Variants in LYRM4 observed in about 807,000 individuals in gnomAD.
LYRM4 encodes the protein LYR motif containing 4.
In LYRM4, 9 loss-of-function variants were observed where a neutral mutation model predicts 11.7. That is an observed-to-expected ratio of 0.77 (90% CI 0.46 to 1.34). The LOEUF is 1.34. Ranked by LOEUF, LYRM4 falls within the 40% of genes most tolerant of loss-of-function variation. LYRM4 has a pLI of 0.00. For missense variants in LYRM4, 133 were observed against 112.5 expected, an observed-to-expected ratio of 1.18 and a Z score of -0.82; for synonymous variants, 42 against 40.4, an observed-to-expected ratio of 1.04 and a Z score of -0.15.
At chr6:5,157,238 G>A (rs74631709) in intron 2 of LYRM4, among the ~76,000 whole-genome samples, 292 of 152,302 alleles carry the variant, frequency 1.9e-3, no homozygotes, top group Middle Eastern at 6.8e-3. Flanking sequence ...CTAGTGTGGC[G>A]AAAGTTACCA....
chr6:5,133,491 C>T (rs965056941), intron 2 of LYRM4, among the ~76,000 whole-genome samples: 2 of 152,136 alleles, frequency 1.3e-5, no homozygotes, highest in Admixed American at 6.5e-5. Context: ...CCAAACCTTG[C>T]GTGTACACTG....
rs146897257 is a variant in LYRM4 at position 5,154,711 on chromosome 6, C to T, written c.208-45220G>A. On this transcript the variant is annotated intron_variant, in intron 2 of 2. Transcript: ENST00000330636. ...TCACGCGCCTGTAGTCCCAGCTACT[C>T]GGGAGGCTGAGGCAGGAGAATGGCG... 7.2e-4 allele frequency among the ~76,000 whole-genome samples: 109 copies of T among 152,130 alleles called. 2 individuals carry two copies. Among genetic ancestry groups the T allele is most frequent in the East Asian group, 6.6e-3 (34 of 5,156 alleles).
At chr6:5,180,807 C>T (rs1045180400) in intron 2 of LYRM4, among the ~76,000 whole-genome samples, 3 of 152,180 alleles carry the variant, frequency 2.0e-5, no homozygotes, top group African/African-American at 7.2e-5. Flanking sequence ...TGGCACCAAT[C>T]TCTCTCTCCC....
downstream of LYRM4, among the ~76,000 whole-genome samples, chr6:5,101,968 C>CTTTTTTTTCTT (rs1762514622): frequency 2.9e-5 from 2 of 67,988 alleles, 1 homozygote; most frequent in Non-Finnish European, 6.1e-5. Flanking sequence ...CTAATGCTTT[C>CTTTTTTTTCTT]TTTTTTTTTT....
the LYRM4 span, among the ~76,000 whole-genome samples, chr6:5,073,162 AC>A: frequency 1.3e-5 from 2 of 152,174 alleles, no homozygotes; most frequent in African/African-American, 4.8e-5. Context: ...TGGGCCGATC[AC>A]ATGAGGCCAG....
intron 2 of LYRM4, among the ~76,000 whole-genome samples, chr6:5,179,538 C>T (rs1759950981): frequency 6.6e-6 from 1 of 152,210 alleles, no homozygotes. Flanking sequence ...TCTTTTGTGC[C>T]TGGCTTATTT....
At chr6:5,217,936 G>A (rs1762369943) in intron 1 of LYRM4, among the ~76,000 whole-genome samples, 1 of 151,942 alleles carries the variant, frequency 6.6e-6, no homozygotes. Flanking sequence ...CTTTTTTAGA[G>A]ATGGGGTGTC....
chr6:5,154,428 G>A (rs1367730455), intron 2 of LYRM4, among the ~76,000 whole-genome samples: 1 of 130,426 alleles, frequency 7.7e-6, no homozygotes, highest in South Asian at 3.1e-4. Flanking sequence ...AGGGCATCAC[G>A]TGCTGGACAG....
chr6:5,182,195 G>T (rs1057297466), intron 2 of LYRM4, among the ~76,000 whole-genome samples: 1 of 152,152 alleles, frequency 6.6e-6, no homozygotes, highest in African/African-American at 2.4e-5. Flanking sequence ...ACTGAGACAG[G>T]TATTAATTAA....
chr6:5,086,140 T>TGCCTGGAGCGCGTGC, the LYRM4 span: 2 of 1,500,894 alleles, frequency 1.3e-6, no homozygotes, highest in South Asian at 1.3e-5. Flanking sequence ...GCAGCGCGTG[T>TGCCTGGAGCGCGTGC]GCCTGGAGCG....
chr6:5,210,423 C>A (rs1464765376), intron 2 of LYRM4, among the ~76,000 whole-genome samples: 1 of 151,762 alleles, frequency 6.6e-6, no homozygotes, highest in Non-Finnish European at 1.5e-5. Flanking sequence ...TCCCTAAATA[C>A]CAGCATCTGA....
At chr6:5,242,592 C>T (rs140512294) in intron 1 of LYRM4, among the ~76,000 whole-genome samples, 3,001 of 148,152 alleles carry the variant, frequency 0.02, 90 homozygotes, top group African/African-American at 0.069. Context: ...TGGTGGCGTG[C>T]GCCTGTAATC....
the LYRM4 span, among the ~76,000 whole-genome samples, chr6:5,071,413 G>A: frequency 2.0e-5 from 3 of 151,890 alleles, no homozygotes; most frequent in Non-Finnish European, 4.4e-5. Flanking sequence ...AATGTATCTT[G>A]GGTTACTTTT....
chr6:5,109,111 C>CAA lies in LYRM4; in HGVS notation c.*310_*311dup, dbSNP rs769403034. ...CTTTTTATTGCCAAGGACCAAGAAACAAAGTGTAGAAATGCTATACACAAT... is the reference window on the plus strand; with the variant it reads ...CTTTTTATTGCCAAGGACCAAGAAACAAAAAGTGTAGAAATGCTATACACAAT... On this transcript the variant is annotated 3_prime_UTR_variant, in exon 3 of 3. Coordinates refer to ENST00000330636, the MANE Select transcript of LYRM4 (RefSeq NM_020408.6). 3.6e-5 allele frequency: 41 copies of CAA among 1,138,192 alleles called. No homozygotes were observed. The highest frequency in any genetic ancestry group is 4.4e-5 in the Non-Finnish European group (41 of 924,074). The allele number at this position is 1,138,192 out of a possible 1,614,324, so 70.5% of individuals were successfully genotyped here. A position where few individuals can be genotyped will look rare whatever the true frequency, so the allele number is the denominator to read the frequency against.
At chr6:5,253,192 G>T (rs765655107) in intron 1 of LYRM4, among the ~76,000 whole-genome samples, 7 of 152,108 alleles carry the variant, frequency 4.6e-5, no homozygotes, top group Non-Finnish European at 5.9e-5. Flanking sequence ...CACTACACTT[G>T]GTATGCATTT....
At chr6:5,170,384 C>T (rs1405904827) in intron 2 of LYRM4, among the ~76,000 whole-genome samples, 2 of 151,512 alleles carry the variant, frequency 1.3e-5, no homozygotes, top group Non-Finnish European at 3.0e-5. Context: ...TATATATATG[C>T]ATTTTTCAAG....
chr6:5,112,898 T>C (rs987023180), intron 2 of LYRM4, among the ~76,000 whole-genome samples: 1 of 151,850 alleles, frequency 6.6e-6, no homozygotes, highest in Non-Finnish European at 1.5e-5. Context: ...TGAGTGTGGA[T>C]AGAGAAGGGT....
chr6:5,260,928 G>C lies in LYRM4; in HGVS notation c.-195C>G, dbSNP rs767265855. On this transcript the variant is annotated 5_prime_UTR_variant, in exon 1 of 3. Coordinates refer to ENST00000330636, the MANE Select transcript of LYRM4 (RefSeq NM_020408.6). ...GGCGCCAGGCGTCCCGCGCCGCTTCGGGGGCGGGCGCAGGCAGGGCTCGGG... is the reference window on the plus strand; with the variant it reads ...GGCGCCAGGCGTCCCGCGCCGCTTCCGGGGCGGGCGCAGGCAGGGCTCGGG... The C allele has an allele frequency of 9.6e-6, 13 of 1,357,200 alleles. No homozygotes were observed. The highest frequency in any genetic ancestry group is 1.2e-5 in the Non-Finnish European group (13 of 1,059,614). 84.1% of individuals were successfully genotyped at this position (1,357,200 alleles called of 1,614,324 possible). A position where few individuals can be genotyped will look rare whatever the true frequency, so the allele number is the denominator to read the frequency against.
At chr6:5,129,699 C>T (rs1293180537) in intron 2 of LYRM4, among the ~76,000 whole-genome samples, 2 of 152,160 alleles carry the variant, frequency 1.3e-5, no homozygotes, top group African/African-American at 4.8e-5. Flanking sequence ...AGGATGTGGA[C>T]GCCTTTGGGG....
Sources: allele counts gnomAD v4.1 joint callset (sites outside exome capture counted in the v4.1 genomes callset), GRCh38; gene constraint gnomAD v4.1.1; transcripts MANE v1.5; gene names NCBI Gene and HGNC (gene_info 2026-07-23, HGNC 2026-07-21).